RXFP1: variants seen among roughly 807,000 people sequenced by gnomAD.
The protein encoded by RXFP1 is relaxin family peptide receptor 1.
In RXFP1, 73 loss-of-function variants were observed where a neutral mutation model predicts 89.8. That is an observed-to-expected ratio of 0.81 (90% CI 0.67 to 0.99). The LOEUF (loss-of-function observed/expected upper bound fraction) is 0.99, where lower values mean the gene tolerates loss of function less well. RXFP1 is among the 50% of genes least tolerant of loss of function. RXFP1 has a pLI of 0.00. For missense variants in RXFP1, 793 were observed against 895.5 expected (o/e 0.89, Z 1.46); for synonymous variants, 277 against 305.5 (o/e 0.91, Z 0.97).
intron 1 of RXFP1, chr4:158,543,802 G>A (rs1747467471): frequency 3.0e-6 from 3 of 984,818 alleles, no homozygotes; most frequent in Admixed American, 6.2e-5. Flanking sequence ...ACAACAGCTG[G>A]TACTGCCTCT....
chr4:158,593,329 GAC>G (rs1370690176), intron 2 of RXFP1, 70 bp from the exon 3 acceptor site: 2 of 835,364 alleles, frequency 2.4e-6, no homozygotes, highest in Admixed American at 4.9e-5. Flanking sequence ...TTAAAGAGAG[GAC>G]CTGTCTCCCC....
chr4:158,609,002 T>A, intron 6 of RXFP1, among the ~76,000 whole-genome samples: 1 of 152,230 alleles, frequency 6.6e-6, no homozygotes, highest in East Asian at 1.9e-4. Context: ...GTCCATTGTA[T>A]TTATGTACCA....
At chr4:158,579,780 G>C (rs974100683) in intron 2 of RXFP1, among the ~76,000 whole-genome samples, 2 of 152,282 alleles carry the variant, frequency 1.3e-5, no homozygotes, top group African/African-American at 4.8e-5. Context: ...CTGTTCTTAC[G>C]CATAATTGTA....
chr4:158,612,052 A>C (rs1763679852), intron 6 of RXFP1, 78 bp from the exon 7 acceptor site: 4 of 1,199,044 alleles, frequency 3.3e-6, no homozygotes, highest in Non-Finnish European at 3.6e-6. Context: ...TTTAAGATGG[A>C]TGATTATTGT....
intron 1 of RXFP1, among the ~76,000 whole-genome samples, chr4:158,548,917 A>T (rs6810787): frequency 1 from 151,062 of 151,526 alleles, 75,301 homozygotes; most frequent in Middle Eastern, 1. Context: ...GTGAATCTGA[A>T]AATTATGAGT....
chr4:158,531,624 G>T (rs192502518), intron 1 of RXFP1, among the ~76,000 whole-genome samples: 1 of 152,086 alleles, frequency 6.6e-6, no homozygotes, highest in Non-Finnish European at 1.5e-5. Flanking sequence ...GTTTGAGGGT[G>T]GAAGGAAATG....
intron 1 of RXFP1, among the ~76,000 whole-genome samples, chr4:158,557,028 G>T (rs1751459936): frequency 6.6e-6 from 1 of 152,102 alleles, no homozygotes; most frequent in Non-Finnish European, 1.5e-5. Flanking sequence ...AGTGACTATG[G>T]TTAACAGTAA....
intron 2 of RXFP1, among the ~76,000 whole-genome samples, chr4:158,577,610 C>T (rs1367839326): frequency 6.6e-6 from 1 of 151,988 alleles, no homozygotes; most frequent in Non-Finnish European, 1.5e-5. Flanking sequence ...ATATCTTAAA[C>T]TCCAAAAACC....
At chr4:158,534,609 T>C (rs1187903633) in intron 1 of RXFP1, among the ~76,000 whole-genome samples, 1 of 152,148 alleles carries the variant, frequency 6.6e-6, no homozygotes, top group Non-Finnish European at 1.5e-5. Flanking sequence ...GTCATTAAAT[T>C]GTTGATGTTT....
intron 9 of RXFP1, among the ~76,000 whole-genome samples, chr4:158,625,907 C>G (rs1561156488): frequency 6.6e-6 from 1 of 152,034 alleles, no homozygotes; most frequent in Non-Finnish European, 1.5e-5. Context: ...AACCTCAGCT[C>G]TCTTCCTCTG....
At chr4:158,577,827 G>A (rs113600065) in intron 2 of RXFP1, among the ~76,000 whole-genome samples, 4 of 152,052 alleles carry the variant, frequency 2.6e-5, no homozygotes, top group African/African-American at 9.6e-5. Flanking sequence ...TTGTGTTATC[G>A]CAGGCACTTT....
intron 2 of RXFP1, among the ~76,000 whole-genome samples, chr4:158,580,707 G>A (rs1472765443): frequency 6.6e-6 from 1 of 152,152 alleles, no homozygotes; most frequent in African/African-American, 2.4e-5. Flanking sequence ...TTGTCTGTTA[G>A]TAATAGTTTA....
intron 11 of RXFP1, among the ~76,000 whole-genome samples, chr4:158,629,048 G>T (rs990097085): frequency 6.0e-5 from 9 of 150,580 alleles, no homozygotes; most frequent in Non-Finnish European, 1.5e-5. Context: ...TTTTGTTTTT[G>T]TTTTTTGTTT....
At chr4:158,528,139 T>C (rs190225729) in intron 1 of RXFP1, among the ~76,000 whole-genome samples, 139 of 152,274 alleles carry the variant, frequency 9.1e-4, no homozygotes, top group African/African-American at 3.0e-3. Context: ...AAGGTTCTCA[T>C]TGCACCTGTA....
intron 14 of RXFP1, among the ~76,000 whole-genome samples, chr4:158,643,832 G>C (rs1024321984): frequency 2.0e-5 from 3 of 151,870 alleles, no homozygotes; most frequent in African/African-American, 7.3e-5. Context: ...GTTCTCCATA[G>C]TGCCTATACT....
chr4:158,537,929 G>A (rs1017935073), intron 1 of RXFP1, among the ~76,000 whole-genome samples: 1 of 152,202 alleles, frequency 6.6e-6, no homozygotes, highest in Non-Finnish European at 1.5e-5. Flanking sequence ...GGATACTTAT[G>A]CTGAGGCTTG....
At chr4:158,623,370 A>T (rs1052041545) in intron 9 of RXFP1, among the ~76,000 whole-genome samples, 55 of 150,656 alleles carry the variant, frequency 3.7e-4, no homozygotes, top group African/African-American at 1.2e-3. Context: ...TTAGCCAAGC[A>T]TGGTGCCTGT....
At chr4:158,632,140 T>G (rs1768164499) in intron 11 of RXFP1, among the ~76,000 whole-genome samples, 1 of 152,206 alleles carries the variant, frequency 6.6e-6, no homozygotes, top group South Asian at 2.1e-4. Flanking sequence ...AGAGATGGAA[T>G]TTTTGAGTAA....
At chr4:158,638,995 T>C (rs896595651) in intron 13 of RXFP1, among the ~76,000 whole-genome samples, 5 of 152,132 alleles carry the variant, frequency 3.3e-5, no homozygotes, top group Admixed American at 6.6e-5. Context: ...TCCACACATA[T>C]TTATTGATTA....
Sources: gnomAD v4.1 joint callset for allele counts (sites outside exome capture counted in the v4.1 genomes callset) on GRCh38, gnomAD v4.1.1 for gene constraint, MANE v1.5 for transcripts, NCBI Gene and HGNC (gene_info 2026-07-23, HGNC 2026-07-21) for gene names.